The following JADE1 variants were observed in gnomAD, a reference collection of about 807,000 sequenced individuals.
JADE1 encodes the protein jade family PHD finger 1, also known as protein Jade-1.
A neutral mutation model predicts 81.8 loss-of-function variants in JADE1; 14 were observed. The observed-to-expected ratio is 0.17, with a 90% CI of 0.11 to 0.27. The LOEUF is 0.27. JADE1 is among the 10% of genes least tolerant of loss of function. The pLI, the probability that JADE1 is intolerant of heterozygous loss-of-function variation, is 1.00. For missense variants in JADE1, 690 were observed against 1,047.9 expected (o/e 0.66, Z 4.71); for synonymous variants, 353 against 391.9 (o/e 0.90, Z 1.17).
At chr4:128,840,490 T>C (rs1453420950) in intron 2 of JADE1, among the ~76,000 whole-genome samples, 1 of 152,238 alleles carries the variant, frequency 6.6e-6, no homozygotes, top group African/African-American at 2.4e-5. Context: ...TCTGCTTCTC[T>C]TCCCTTCCCC....
intron 2 of JADE1, among the ~76,000 whole-genome samples, chr4:128,837,256 G>A (rs938816600): frequency 6.6e-6 from 1 of 152,200 alleles, no homozygotes; most frequent in Non-Finnish European, 1.5e-5. Context: ...GGAATGGGCA[G>A]AAAGGAAGCC....
intron 1 of JADE1, among the ~76,000 whole-genome samples, chr4:128,822,722 G>GAA (rs1023270069): frequency 7.2e-6 from 1 of 139,746 alleles, no homozygotes; most frequent in African/African-American, 2.6e-5. Flanking sequence ...TCCGTCTCAA[G>GAA]AAAAAAAAAA....
At chr4:128,857,495 C>A in intron 8 of JADE1, 41 bp downstream of exon 8, 2 of 1,468,186 alleles carry the variant, frequency 1.4e-6, no homozygotes, top group Non-Finnish European at 1.9e-6. Context: ...TCCTTTCCTG[C>A]GTGGTGGGGA....
chr4:128,839,609 G>A (rs1403813794), intron 2 of JADE1, among the ~76,000 whole-genome samples: 1 of 151,646 alleles, frequency 6.6e-6, no homozygotes, highest in South Asian at 2.1e-4. Flanking sequence ...CTATAGATTA[G>A]TTTGCATTTC....
chr4:128,858,731 T>C (rs755318082), intron 8 of JADE1, among the ~76,000 whole-genome samples: 1 of 151,704 alleles, frequency 6.6e-6, no homozygotes, highest in Non-Finnish European at 1.5e-5. Flanking sequence ...GCCTCCTAAG[T>C]AGCTAGGATT....
intron 1 of JADE1, chr4:128,827,916 C>T (rs1728211402): frequency 5.1e-6 from 5 of 984,172 alleles, no homozygotes; most frequent in South Asian, 4.7e-5. Flanking sequence ...TTGGTAAGTA[C>T]GGTGCTCTGC....
At position 128,842,980 on chromosome 4, in the gene JADE1, C is replaced by T. The variant is rs774236013; in HGVS notation, c.80C>T (p.Ser27Phe). The stretch of plus-strand genomic sequence containing the variant: ...CTGTCAACTACTTGGTCCCAGAATT[C>T]CCGATCCCAGCATAGGAGAAGCTCC... ...GSLSTTWSQN[S>F]RSQHRRSSCS... is the part of the protein sequence containing the mutation. Residue 27 changes from serine (S) to phenylalanine (F), a missense_variant, in exon 3 of 11, where the codon TCC becomes TTC. By Grantham distance (155) the Ser-to-Phe change is radical (BLOSUM62 -2). Transcript: ENST00000226319. The T allele has an allele frequency of 1.9e-6, 3 of 1,614,024 alleles. No homozygotes were observed. The highest frequency in any genetic ancestry group is 2.5e-6 in the Non-Finnish European group (3 of 1,179,928).
chr4:128,836,997 T>C (rs1370758706), intron 2 of JADE1, among the ~76,000 whole-genome samples: 1 of 152,228 alleles, frequency 6.6e-6, no homozygotes, highest in African/African-American at 2.4e-5. Flanking sequence ...TCTCATTCCT[T>C]ACTTCACAAA....
rs371389755 is a variant in JADE1, at chr4:128,831,749, C to T, written c.-10C>T. The T allele has an allele frequency of 4.3e-5, 69 of 1,614,032 alleles. No homozygotes were observed. Among genetic ancestry groups the T allele is most frequent in the Non-Finnish European group, 5.4e-5 (64 of 1,179,982 alleles). On this transcript the variant is annotated 5_prime_UTR_variant, in exon 2 of 11. Transcript: ENST00000226319. The stretch of plus-strand genomic sequence containing the variant: ...GCTTTGCAGGCTGCCTGCTGTTTCC[C>T]GGGGAGATCATGAAACGAGGTCGCC...
intron 2 of JADE1, among the ~76,000 whole-genome samples, chr4:128,832,034 T>G (rs1444111175): frequency 1.3e-5 from 2 of 152,232 alleles, no homozygotes; most frequent in Non-Finnish European, 2.9e-5. Context: ...GCTTCCTATT[T>G]GTTATCCTGG....
At chr4:128,854,102 T>A (rs543510980) in intron 6 of JADE1, among the ~76,000 whole-genome samples, 3 of 152,136 alleles carry the variant, frequency 2.0e-5, no homozygotes, top group Non-Finnish European at 4.4e-5. Context: ...CATGAAAAAT[T>A]TTTTTGAGTA....
chr4:128,867,749 T>C, intron 9 of JADE1, 107 bp from the exon 10 acceptor site: 1 of 608,344 alleles, frequency 1.6e-6, no homozygotes, highest in Non-Finnish European at 2.9e-6. Context: ...CAAGTATCTG[T>C]CAAGGCCCTA....
At chr4:128,814,517 TG>T (rs1328681262) in intron 1 of JADE1, among the ~76,000 whole-genome samples, 5 of 152,162 alleles carry the variant, frequency 3.3e-5, no homozygotes, top group Non-Finnish European at 5.9e-5. Context: ...TGTGCATGTG[TG>T]TTTTAATAAA....
rs150753670 is a variant in JADE1, at chr4:128,873,817, A to G, written c.*1555A>G. 6.3e-3 allele frequency: 969 copies of G among 152,748 alleles called. 3 individuals are homozygous for G. The highest frequency in any genetic ancestry group is 0.011 in the Non-Finnish European group (754 of 68,042). The allele number at this position is 152,748 out of a possible 1,614,324, so 9.5% of individuals were successfully genotyped here. A position where few individuals can be genotyped will look rare whatever the true frequency, so the allele number is the denominator to read the frequency against. On this transcript the variant is annotated 3_prime_UTR_variant, in exon 11 of 11. Coordinates refer to ENST00000226319, the MANE Select transcript of JADE1 (RefSeq NM_199320.4). ...ATGATACTTAATGAATAATGCTTTG[A>G]GGAGTTCTGCAGTTAACTTTCAAGT...
intron 4 of JADE1, 106 bp from the exon 5 acceptor site, chr4:128,848,874 C>A: frequency 1.9e-6 from 2 of 1,062,406 alleles, no homozygotes; most frequent in Non-Finnish European, 2.8e-6. Context: ...TGGTGATGAC[C>A]TGGGGCTCTA....
intron 2 of JADE1, among the ~76,000 whole-genome samples, chr4:128,838,483 CTTAAA>C (rs944677285): frequency 3.3e-5 from 5 of 152,136 alleles, no homozygotes; most frequent in Admixed American, 2.6e-4. Flanking sequence ...TCGTCATGTG[CTTAAA>C]TTAGTTTGTC....
In JADE1 at chr4:128,852,154, A is replaced by C. The variant is rs1020252140; in HGVS notation, c.582A>C (p.Glu194Asp). The C allele has an allele frequency of 1.2e-6, 2 of 1,614,126 alleles. No individual in the cohort carries two copies. Among genetic ancestry groups the C allele is most frequent in the Non-Finnish European group, 8.5e-7 (1 of 1,179,968 alleles). ...DNMNHAIETEEGLGIEYDEDV... is the reference protein window; with the variant it reads ...DNMNHAIETEDGLGIEYDEDV... ...TGAATCATGCCATAGAGACTGAGGA[A>C]GGCCTGGGGATCGAATATGATGAAG... The change falls in exon 6 of 11, where the codon GAA (glutamate) becomes GAC (aspartate). Residue 194 changes from glutamate (E) to aspartate (D), a missense_variant. By Grantham distance (45) the Glu-to-Asp change is conservative. This residue lies in a region of JADE1 where 84 missense variants were observed against 226.6 expected (regional missense o/e 0.37). Coordinates refer to ENST00000226319, the MANE Select transcript of JADE1 (RefSeq NM_199320.4).
At chr4:128,834,415 A>G (rs1345552148) in intron 2 of JADE1, among the ~76,000 whole-genome samples, 1 of 152,058 alleles carries the variant, frequency 6.6e-6, no homozygotes, top group African/African-American at 2.4e-5. Context: ...ACCCCTTTCA[A>G]GGCCCTGTCT....
intron 1 of JADE1, among the ~76,000 whole-genome samples, chr4:128,830,881 G>T (rs546127090): frequency 6.6e-6 from 1 of 152,210 alleles, no homozygotes; most frequent in Non-Finnish European, 1.5e-5. Context: ...ATACTTGAGG[G>T]TAGTGCTAGA....
Sources: allele counts gnomAD v4.1 joint callset (sites outside exome capture counted in the v4.1 genomes callset), GRCh38; gene constraint gnomAD v4.1.1; regional missense constraint gnomAD v4.1.1; transcripts MANE v1.5; gene names NCBI Gene and HGNC (gene_info 2026-07-23, HGNC 2026-07-21).